The following CSK variants were observed in gnomAD, a reference collection of about 807,000 sequenced individuals.
CSK encodes C-terminal Src kinase.
Under a neutral mutation model 62.3 loss-of-function variants are expected in CSK, and 7 were observed. The ratio of observed to expected loss-of-function variants is 0.11; its 90% CI spans 0.06 to 0.21. The LOEUF (loss-of-function observed/expected upper bound fraction) is 0.21, where lower values mean the gene tolerates loss of function less well. Among genes scored for constraint, CSK ranks in the 10% least tolerant of loss-of-function variants. CSK has a pLI of 1.00. For synonymous variants in CSK, 237 were observed against 246.0 expected (o/e 0.96, Z 0.34); for missense variants, 294 against 613.5 (o/e 0.48, Z 5.50).
chr15:74,786,011 T>TG lies in CSK; in HGVS notation c.-66+3291_-66+3292insG, dbSNP rs1567214215. On this transcript the variant is annotated intron_variant, in intron 1 of 12. Transcript: ENST00000220003. Reference sequence around the variant, plus strand: ...CTCTCTCTCTCTCTCTCTTTTTTTTTTTTGTGTGTGTGTGTGTGTGTGTGT... The same window carrying TG: ...CTCTCTCTCTCTCTCTCTTTTTTTTTGTTTGTGTGTGTGTGTGTGTGTGTGT... 1.7e-4 allele frequency among the ~76,000 whole-genome samples: 6 copies of TG among 34,934 alleles called. 1 individual carries two copies. Among genetic ancestry groups the TG allele is most frequent in the Non-Finnish European group, 4.9e-4 (5 of 10,178 alleles). 22.9% of individuals were successfully genotyped at this position (34,934 alleles called of 152,430 possible).
chr15:74,801,674 A>G (rs1289310313), intron 10 of CSK, 21 bp from the exon 11 acceptor site: 1 of 1,609,706 alleles, frequency 6.2e-7, no homozygotes, highest in Admixed American at 1.7e-5. Context: ...CTGAGGGGAC[A>G]TGTGGCTGGC....
chr15:74,800,027 C>A (rs1040349555), intron 5 of CSK, among the ~76,000 whole-genome samples: 2 of 152,170 alleles, frequency 1.3e-5, no homozygotes, highest in African/African-American at 4.8e-5. Context: ...CTCCCGTGTC[C>A]CTCTGTATTC....
In CSK at chr15:74,799,383, G is replaced by A; in HGVS notation, c.354G>A (p.Leu118=). ...CCAACTACCCCGGAGACTACACGCT[G>A]TGCGTGAGCTGCGACGGCAAGGTGG... ...ESTNYPGDYT[L]CVSCDGKVEH... Residue 118 remains leucine, a synonymous_variant, in exon 5 of 13, where the codon CTG becomes CTA. Coordinates refer to ENST00000220003, the MANE Select transcript of CSK (RefSeq NM_004383.3). The A allele has an allele frequency of 1.2e-6, 2 of 1,613,650 alleles. No individual in the cohort carries two copies. Among genetic ancestry groups the A allele is most frequent in the Non-Finnish European group, 8.5e-7 (1 of 1,180,024 alleles).
chr15:74,800,470 A>T lies in CSK; in HGVS notation c.521A>T (p.Glu174Val). 1 of 1,614,080 alleles carries T rather than the reference A, an allele frequency of 6.2e-7. No individual in the cohort carries two copies. Among genetic ancestry groups the T allele is most frequent in the Non-Finnish European group, 8.5e-7 (1 of 1,180,008 alleles). ...CGCCTCATTAAACCAAAGGTCATGG[A>T]GGGCACAGTGGCGGCCCAGGATGAG... ...CTRLIKPKVM[E>V]GTVAAQDEFY... Residue 174 changes from glutamate to valine, a missense_variant, in exon 6 of 13, where the codon GAG becomes GTG. Transcript: ENST00000220003.
chr15:74,802,526 G>T lies in CSK; in HGVS notation c.*13G>T, dbSNP rs749213041. 1 of 1,610,452 alleles carries T rather than the reference G, an allele frequency of 6.2e-7. No homozygotes were observed. Among genetic ancestry groups the T allele is most frequent in the Admixed American group, 1.7e-5 (1 of 59,376 alleles). On this transcript the variant is annotated 3_prime_UTR_variant, in exon 13 of 13. Coordinates refer to ENST00000220003, the MANE Select transcript of CSK (RefSeq NM_004383.3). ...GCTGCACCTGTGACGGCTGGCCTCC[G>T]CCTGGGTCATGGGCCTGTGGGGACT...
At chr15:74,785,360 T>G (rs868074717) in intron 1 of CSK, among the ~76,000 whole-genome samples, 8 of 152,312 alleles carry the variant, frequency 5.3e-5, no homozygotes, top group African/African-American at 1.7e-4. Flanking sequence ...CGTGTGCATT[T>G]TTCCCCTCTG....
At chr15:74,788,817 C>G (rs750769304) in intron 1 of CSK, 2 of 154,240 alleles carry the variant, frequency 1.3e-5, no homozygotes, top group Non-Finnish European at 2.9e-5. Flanking sequence ...CCATTGAAGG[C>G]TAGTGCTGAG....
At chr15:74,801,961 C>T (rs1567219758) in intron 11 of CSK, 36 bp from the exon 12 acceptor site, 1 of 1,612,100 alleles carries the variant, frequency 6.2e-7, no homozygotes, top group Non-Finnish European at 8.5e-7. Context: ...CCTGGAGTCC[C>T]AGGATCTGAC....
chr15:74,800,308 G>A (rs2063768866), intron 5 of CSK, 104 bp from the exon 6 acceptor site: 1 of 966,244 alleles, frequency 1.0e-6, no homozygotes, highest in Non-Finnish European at 1.6e-6. Context: ...GTGACTCCAG[G>A]CTAGGCGGGG....
At chr15:74,784,377 C>T (rs2063483775) in intron 1 of CSK, among the ~76,000 whole-genome samples, 1 of 152,072 alleles carries the variant, frequency 6.6e-6, no homozygotes, top group Non-Finnish European at 1.5e-5. Context: ...TCCCTCCCAC[C>T]CCAGTCAGCC....
chr15:74,791,220 TGTA>T (rs2141797478), intron 1 of CSK, among the ~76,000 whole-genome samples: 1 of 152,278 alleles, frequency 6.6e-6, no homozygotes, highest in African/African-American at 2.4e-5. Context: ...AAACACAACT[TGTA>T]GTATTCCATA....
intron 1 of CSK, among the ~76,000 whole-genome samples, chr15:74,787,168 T>C (rs1449248667): frequency 6.6e-6 from 1 of 152,158 alleles, no homozygotes; most frequent in African/African-American, 2.4e-5. Flanking sequence ...CTGGGTCCCT[T>C]CATCCAAGGG....
At position 74,791,317 on chromosome 15, in the gene CSK, T is replaced by C. The variant is rs533928650; in HGVS notation, c.-65-6916T>C. Among the ~76,000 whole-genome samples, 3 of 152,346 alleles carry C rather than the reference T, an allele frequency of 2.0e-5. No individual in the cohort carries two copies. In the South Asian group the frequency reaches 6.2e-4, roughly 32 times the overall value. On this transcript the variant is annotated intron_variant, in intron 1 of 12. Transcript: ENST00000220003. ...CCAAAAAGTTGAAGTAATAGTATAA[T>C]GAATATTCATATATCCTTCATGCAG...
At chr15:74,800,334 C>T in intron 5 of CSK, 78 bp from the exon 6 acceptor site, 7 of 1,336,566 alleles carry the variant, frequency 5.2e-6, no homozygotes, top group Non-Finnish European at 5.3e-6. Context: ...CTCTGCCGCC[C>T]TCTGGTGGTC....
chr15:74,799,814 A>G (rs1365469402), intron 5 of CSK, among the ~76,000 whole-genome samples: 1 of 152,196 alleles, frequency 6.6e-6, no homozygotes, highest in Non-Finnish European at 1.5e-5. Flanking sequence ...AGTCTGTCTG[A>G]TCCCAGAGCT....
chr15:74,792,887 GT>G (rs1442204685), intron 1 of CSK, among the ~76,000 whole-genome samples: 5 of 152,230 alleles, frequency 3.3e-5, no homozygotes, highest in South Asian at 2.1e-4. Context: ...CAAGCCCCTT[GT>G]CCCCTAGCTC....
chr15:74,800,260 C>G, intron 5 of CSK, 152 bp from the exon 6 acceptor site: 1 of 669,190 alleles, frequency 1.5e-6, no homozygotes, highest in Non-Finnish European at 2.7e-6. Flanking sequence ...ACTTCCCTAA[C>G]CCCTGCCCTA....
chr15:74,786,089 G>A (rs35603757), intron 1 of CSK, among the ~76,000 whole-genome samples: 3,223 of 146,156 alleles, frequency 0.022, 133 homozygotes, highest in African/African-American at 0.078. Flanking sequence ...GCAATGGCGC[G>A]ATCTTGGCTC....
intron 1 of CSK, among the ~76,000 whole-genome samples, chr15:74,796,098 A>T (rs2141814384): frequency 6.6e-6 from 1 of 152,166 alleles, no homozygotes; most frequent in Non-Finnish European, 1.5e-5. Flanking sequence ...CACGCCTATG[A>T]TCCCAGCTAC....
Sources: allele counts gnomAD v4.1 joint callset (sites outside exome capture counted in the v4.1 genomes callset), GRCh38; gene constraint gnomAD v4.1.1; transcripts MANE v1.5; gene names NCBI Gene and HGNC (gene_info 2026-07-23, HGNC 2026-07-21).